DNAJC8: variants seen among roughly 807,000 people sequenced by gnomAD.
DNAJC8 encodes DnaJ heat shock protein family (Hsp40) member C8, also known as dnaJ homolog subfamily C member 8.
In DNAJC8, 24 loss-of-function variants were observed where a neutral mutation model predicts 43.2. The observed-to-expected ratio is 0.56, with a 90% CI of 0.40 to 0.78. The LOEUF (loss-of-function observed/expected upper bound fraction) is 0.78, where lower values mean the gene tolerates loss of function less well. Among genes scored for constraint, DNAJC8 ranks in the 30% least tolerant of loss-of-function variants. The pLI, the probability that DNAJC8 is intolerant of heterozygous loss-of-function variation, is 0.00. For synonymous variants in DNAJC8, 83 were observed against 98.0 expected (o/e 0.85, Z 0.90); for missense variants, 207 against 299.4 (o/e 0.69, Z 2.28).
At chr1:28,226,509 A>T (rs1364209499) in intron 2 of DNAJC8, among the ~76,000 whole-genome samples, 7 of 146,282 alleles carry the variant, frequency 4.8e-5, no homozygotes, top group Non-Finnish European at 9.1e-5. Context: ...AAAAAAAAAA[A>T]TTTTAGAAAG....
chr1:28,229,398 C>T (rs570897790), intron 1 of DNAJC8, among the ~76,000 whole-genome samples: 42 of 152,240 alleles, frequency 2.8e-4, no homozygotes, highest in African/African-American at 9.6e-4. Flanking sequence ...AAATAAGTCA[C>T]AGCCTTTAAA....
At chr1:28,220,877 A>G (rs192884995) in intron 2 of DNAJC8, among the ~76,000 whole-genome samples, 14 of 152,030 alleles carry the variant, frequency 9.2e-5, no homozygotes, top group Non-Finnish European at 1.6e-4. Context: ...GTTTTTCTGA[A>G]CTCCTGTTGC....
intron 2 of DNAJC8, among the ~76,000 whole-genome samples, chr1:28,217,995 G>A (rs1646871301): frequency 6.6e-6 from 1 of 151,788 alleles, no homozygotes. Flanking sequence ...TGGACTGTAT[G>A]CTGGATGAAG....
chr1:28,221,169 C>T (rs1041494080), intron 2 of DNAJC8, among the ~76,000 whole-genome samples: 1 of 151,914 alleles, frequency 6.6e-6, no homozygotes, highest in African/African-American at 2.4e-5. Context: ...GAAACCCCGT[C>T]TCTATGAAAA....
chr1:28,201,024 T>C lies in DNAJC8; in HGVS notation c.*224A>G. The C allele has an allele frequency of 1.7e-6, 1 of 574,620 alleles. No individual in the cohort carries two copies. Among genetic ancestry groups the C allele is most frequent in the Non-Finnish European group, 3.0e-6 (1 of 335,792 alleles). 35.6% of individuals were successfully genotyped at this position (574,620 alleles called of 1,614,324 possible). ...CAATGGTGGCACCTTCTAATACTGG[T>C]TGTTCTAGGGGCAGGGAGAGGGAAA... On this transcript the variant is annotated 3_prime_UTR_variant, in exon 9 of 9. Coordinates refer to ENST00000263697, the MANE Select transcript of DNAJC8 (RefSeq NM_014280.3).
Position 28,201,203 on chromosome 1 carries a change from A to C in DNAJC8, c.*45T>G. ...AAAGAATGAGTCCTTCGAAGCAGGAAGGGAGATAGCAGGGGAAAGGTTCTG... is the reference window on the plus strand; with the variant it reads ...AAAGAATGAGTCCTTCGAAGCAGGACGGGAGATAGCAGGGGAAAGGTTCTG... On this transcript the variant is annotated 3_prime_UTR_variant, in exon 9 of 9. Transcript: ENST00000263697. The C allele has an allele frequency of 6.2e-7, 1 of 1,609,748 alleles. No homozygotes were observed. The highest frequency in any genetic ancestry group is 8.5e-7 in the Non-Finnish European group (1 of 1,179,074).
chr1:28,207,933 C>T (rs1296167620), intron 6 of DNAJC8, among the ~76,000 whole-genome samples: 2 of 151,904 alleles, frequency 1.3e-5, no homozygotes, highest in Non-Finnish European at 2.9e-5. Flanking sequence ...GGCAGGGTGG[C>T]TCATGCCTGT....
intron 2 of DNAJC8, among the ~76,000 whole-genome samples, chr1:28,215,893 T>TA (rs1646850342): frequency 7.0e-6 from 1 of 143,396 alleles, no homozygotes; most frequent in Non-Finnish European, 1.5e-5. Flanking sequence ...AGTGTCTCAC[T>TA]TTGTTGCCCA....
chr1:28,208,983 A>T (rs1646790803), intron 5 of DNAJC8, among the ~76,000 whole-genome samples: 1 of 152,240 alleles, frequency 6.6e-6, no homozygotes, highest in Admixed American at 6.5e-5. Flanking sequence ...ACACTACTCC[A>T]TGAACTAACC....
chr1:28,215,190 T>C (rs574899488), intron 2 of DNAJC8, among the ~76,000 whole-genome samples, 194 bp from the exon 3 acceptor site: 1 of 152,268 alleles, frequency 6.6e-6, no homozygotes, highest in African/African-American at 2.4e-5. Context: ...AACAATTATA[T>C]TGTCTTATGG....
intron 5 of DNAJC8, chr1:28,208,641 G>A: frequency 3.1e-6 from 1 of 320,052 alleles, no homozygotes; most frequent in South Asian, 9.2e-5. Context: ...CAATCTACCA[G>A]GAAGAATGAA....
intron 2 of DNAJC8, among the ~76,000 whole-genome samples, chr1:28,219,929 A>T (rs1248973341): frequency 6.6e-6 from 1 of 152,074 alleles, no homozygotes; most frequent in East Asian, 1.9e-4. Context: ...TGCTCACCTC[A>T]GCCTCCCAAA....
chr1:28,212,274 T>G (rs1646820127), intron 3 of DNAJC8, among the ~76,000 whole-genome samples: 1 of 53,226 alleles, frequency 1.9e-5, no homozygotes, highest in Non-Finnish European at 3.6e-5. Flanking sequence ...GTTCTATTCT[T>G]TTTTTTTTTT....
Position 28,222,267 on chromosome 1 carries a change from C to T in DNAJC8, c.180+6655G>A, listed in dbSNP as rs185900639. On this transcript the variant is annotated intron_variant, in intron 2 of 8. Coordinates refer to ENST00000263697, the MANE Select transcript of DNAJC8 (RefSeq NM_014280.3). ...TTGGGAGGCTGAGGCGGGTGGATCA[C>T]CTGAGGTCAGGCGTTCGAGACCAGC... 4.1e-4 allele frequency among the ~76,000 whole-genome samples: 62 copies of T among 152,028 alleles called. 1 individual carries two copies. Among genetic ancestry groups the T allele is most frequent in the Admixed American group, 3.3e-3 (51 of 15,266 alleles).
chr1:28,231,902 G>A (rs1646978483), intron 1 of DNAJC8, among the ~76,000 whole-genome samples: 2 of 151,762 alleles, frequency 1.3e-5, no homozygotes, highest in Non-Finnish European at 2.9e-5. Context: ...CGAGTGGCTG[G>A]GACTACAGGC....
chr1:28,218,434 T>TTC (rs1280662007), intron 2 of DNAJC8, among the ~76,000 whole-genome samples: 1 of 151,812 alleles, frequency 6.6e-6, no homozygotes, highest in African/African-American at 2.4e-5. Context: ...TTTTTTTTTT[T>TTC]GAGACAGTGT....
intron 2 of DNAJC8, among the ~76,000 whole-genome samples, chr1:28,216,095 T>A (rs958057540): frequency 1.3e-5 from 2 of 151,892 alleles, no homozygotes; most frequent in African/African-American, 4.8e-5. Flanking sequence ...ACGCCTGTAA[T>A]CCCAGTACTT....
chr1:28,218,799 A>G (rs912330606), intron 2 of DNAJC8, among the ~76,000 whole-genome samples: 2 of 152,104 alleles, frequency 1.3e-5, no homozygotes, highest in African/African-American at 4.8e-5. Flanking sequence ...TTTTCATGTC[A>G]GTGTGCCCCA....
intron 2 of DNAJC8, among the ~76,000 whole-genome samples, chr1:28,226,199 C>T (rs567929979): frequency 2.6e-4 from 39 of 150,752 alleles, no homozygotes; most frequent in African/African-American, 8.8e-4. Flanking sequence ...TTCAGAGGGC[C>T]GCCTGTTAAA....
Sources: gnomAD v4.1 joint callset for allele counts (sites outside exome capture counted in the v4.1 genomes callset) on GRCh38, gnomAD v4.1.1 for gene constraint, MANE v1.5 for transcripts, NCBI Gene and HGNC (gene_info 2026-07-23, HGNC 2026-07-21) for gene names.